XKR6: variants seen among roughly 807,000 people sequenced by gnomAD.
XKR6 encodes the protein XK-related protein 6.
Under a neutral mutation model 56.7 loss-of-function variants are expected in XKR6, and 22 were observed. The observed-to-expected ratio is 0.39, with a 90% CI of 0.28 to 0.55. XKR6 has a LOEUF of 0.55. Ranked by LOEUF, XKR6 falls within the 20% of genes least tolerant of loss-of-function variation. The probability of loss-of-function intolerance (pLI) is 0.66; values close to 1 mark genes in which losing one functional copy is unlikely to be tolerated. For missense variants in XKR6, 852 were observed against 889.0 expected, an observed-to-expected ratio of 0.96 and a Z score of 0.53; for synonymous variants, 524 against 387.8, an observed-to-expected ratio of 1.35 and a Z score of -4.13.
intron 1 of XKR6, among the ~76,000 whole-genome samples, chr8:11,114,906 T>C (rs550547175): frequency 3.3e-5 from 5 of 152,280 alleles, no homozygotes; most frequent in African/African-American, 1.2e-4. Flanking sequence ...ACTAACCTTT[T>C]TCTCTAACCA....
intron 1 of XKR6, among the ~76,000 whole-genome samples, chr8:11,042,791 G>C (rs981586050): frequency 6.8e-6 from 1 of 147,430 alleles, no homozygotes; most frequent in African/African-American, 2.7e-5. Context: ...GTGCTACCTG[G>C]ACTAACATTT....
At chr8:10,909,181 T>C (rs1254733809) in intron 2 of XKR6, among the ~76,000 whole-genome samples, 5 of 139,846 alleles carry the variant, frequency 3.6e-5, no homozygotes, top group Non-Finnish European at 7.9e-5. Flanking sequence ...AAAAAAAAAA[T>C]AGTTTGGCCT....
At chr8:11,114,580 T>TG (rs764287179) in intron 1 of XKR6, among the ~76,000 whole-genome samples, 16 of 152,176 alleles carry the variant, frequency 1.1e-4, no homozygotes, top group Non-Finnish European at 2.1e-4. Flanking sequence ...GGGCTGGTCT[T>TG]GAACTCCTGA....
At chr8:10,949,721 C>T (rs4841464) in intron 1 of XKR6, among the ~76,000 whole-genome samples, 12,144 of 152,248 alleles carry the variant, frequency 0.08, 518 homozygotes, top group Middle Eastern at 0.14. Flanking sequence ...AGTCAAGGAC[C>T]GGTGCCTACA....
At chr8:11,099,589 T>C (rs1424023376) in intron 1 of XKR6, among the ~76,000 whole-genome samples, 3 of 152,206 alleles carry the variant, frequency 2.0e-5, no homozygotes, top group African/African-American at 7.2e-5. Context: ...ATCCACATTC[T>C]TTAAAATCTC....
chr8:11,116,085 G>A (rs1416321265), intron 1 of XKR6, among the ~76,000 whole-genome samples: 1 of 152,200 alleles, frequency 6.6e-6, no homozygotes, highest in African/African-American at 2.4e-5. Context: ...TCCCACGGAT[G>A]TTCGTAAGAT....
chr8:11,093,355 CT>C (rs1798147433), intron 1 of XKR6, among the ~76,000 whole-genome samples: 1 of 152,018 alleles, frequency 6.6e-6, no homozygotes, highest in Admixed American at 6.6e-5. Flanking sequence ...ACGCCCAGAT[CT>C]TCCCCAGCTT....
chr8:11,184,983 C>T (rs1487820650), intron 1 of XKR6, among the ~76,000 whole-genome samples: 2 of 152,174 alleles, frequency 1.3e-5, no homozygotes, highest in Non-Finnish European at 2.9e-5. Context: ...TAAGAAAAAT[C>T]CATTCCCAAC....
In XKR6 at chr8:11,055,195, T is replaced by C. The variant is rs182907869; in HGVS notation, c.765-130365A>G. 1.5e-3 allele frequency among the ~76,000 whole-genome samples: 225 copies of C among 152,262 alleles called. 1 individual carries two copies. The highest frequency in any genetic ancestry group is 5.0e-3 in the African/African-American group (206 of 41,538). ...TGAGAGAGATTGGGCTCAACTCTGA[T>C]GACAACAAAGAAAGTAGAGATTCAC... On this transcript the variant is annotated intron_variant, in intron 1 of 2. Coordinates refer to ENST00000416569, the MANE Select transcript of XKR6 (RefSeq NM_173683.4).
In XKR6 at chr8:11,199,396, T is replaced by C. The variant is rs2117167503; in HGVS notation, c.764+1180A>G. Among the ~76,000 whole-genome samples, 3 of 152,360 alleles carry C rather than the reference T, an allele frequency of 2.0e-5. 1 individual carries two copies. The Middle Eastern group carries it at 0.01, about 518-fold the overall frequency. On this transcript the variant is annotated intron_variant, in intron 1 of 2. Transcript: ENST00000416569. The stretch of plus-strand genomic sequence containing the variant: ...CATTAAAAAGACAGCAGACTTTATT[T>C]CAGCTAACCTGGGTATATCTGTTAC...
At chr8:11,115,440 G>T (rs202152191) in intron 1 of XKR6, among the ~76,000 whole-genome samples, 2 of 152,136 alleles carry the variant, frequency 1.3e-5, no homozygotes, top group East Asian at 3.9e-4. Flanking sequence ...TATATTTAAA[G>T]AATTGGCCCT....
At chr8:10,957,164 T>A (rs1801914771) in intron 1 of XKR6, among the ~76,000 whole-genome samples, 1 of 152,204 alleles carries the variant, frequency 6.6e-6, no homozygotes, top group Non-Finnish European at 1.5e-5. Context: ...TGGGCCAGGC[T>A]GGTTTTGAAC....
At chr8:11,135,296 T>G (rs1217066379) in intron 1 of XKR6, among the ~76,000 whole-genome samples, 1 of 152,192 alleles carries the variant, frequency 6.6e-6, no homozygotes, top group Non-Finnish European at 1.5e-5. Context: ...CCCAAAGTGC[T>G]GGGATTACAG....
intron 1 of XKR6, among the ~76,000 whole-genome samples, chr8:11,040,558 T>G (rs1799261195): frequency 6.6e-6 from 1 of 152,004 alleles, no homozygotes; most frequent in South Asian, 2.1e-4. Flanking sequence ...TACCACAGCC[T>G]GGGAGGCTTA....
At chr8:11,039,113 T>C (rs999141156) in intron 1 of XKR6, among the ~76,000 whole-genome samples, 1 of 152,018 alleles carries the variant, frequency 6.6e-6, no homozygotes, top group Non-Finnish European at 1.5e-5. Context: ...AAGAAGCCTG[T>C]AGTGTCATCA....
intron 1 of XKR6, among the ~76,000 whole-genome samples, chr8:11,198,675 C>T (rs1304793463): frequency 6.6e-6 from 1 of 152,166 alleles, no homozygotes; most frequent in Non-Finnish European, 1.5e-5. Flanking sequence ...CAATTTCATT[C>T]TGTCTCAAAG....
chr8:10,951,104 T>C (rs1365370631), intron 1 of XKR6, among the ~76,000 whole-genome samples: 1 of 152,184 alleles, frequency 6.6e-6, no homozygotes, highest in African/African-American at 2.4e-5. Flanking sequence ...AGGGCTGCTG[T>C]TCTGGGCCAG....
At chr8:11,123,131 G>C (rs1563153570) in intron 1 of XKR6, among the ~76,000 whole-genome samples, 2 of 151,772 alleles carry the variant, frequency 1.3e-5, no homozygotes, top group African/African-American at 2.4e-5. Context: ...CAGCTACTCG[G>C]GAGGCTGAGG....
chr8:11,067,472 C>T lies in XKR6; in HGVS notation c.764+133104G>A, dbSNP rs938999010. On this transcript the variant is annotated intron_variant, in intron 1 of 2. Transcript: ENST00000416569. ...TCCCTGAGGGCTTTTTGAGCCTTAA[C>T]GTTCTAGGATTCTAAATTAGTAAAA... 3.9e-5 allele frequency among the ~76,000 whole-genome samples: 6 copies of T among 152,174 alleles called. No homozygotes were observed. In the East Asian group the frequency reaches 9.6e-4, roughly 24 times the overall value.
Sources: allele counts gnomAD v4.1 joint callset (sites outside exome capture counted in the v4.1 genomes callset), GRCh38; gene constraint gnomAD v4.1.1; transcripts MANE v1.5; gene names NCBI Gene and HGNC (gene_info 2026-07-23, HGNC 2026-07-21).